The following BAIAP2 variants were observed in gnomAD, a reference collection of about 807,000 sequenced individuals.
The protein encoded by BAIAP2 is BAR/IMD domain-containing adapter protein 2.
In BAIAP2, 18 loss-of-function variants were observed where a neutral mutation model predicts 63.0. That is an observed-to-expected ratio of 0.29 (90% CI 0.20 to 0.42). The LOEUF is 0.42. Ranked by LOEUF, BAIAP2 falls within the 10% of genes least tolerant of loss-of-function variation. The pLI, the probability that BAIAP2 is intolerant of heterozygous loss-of-function variation, is 1.00. For synonymous variants in BAIAP2, 386 were observed against 307.6 expected (o/e 1.25, Z -2.67); for missense variants, 610 against 734.3 (o/e 0.83, Z 1.96).
At chr17:81,069,934 G>A (rs961505036) in intron 3 of BAIAP2, among the ~76,000 whole-genome samples, 1 of 151,990 alleles carries the variant, frequency 6.6e-6, no homozygotes, top group African/African-American at 2.4e-5. Flanking sequence ...AGGGTTTTTT[G>A]TTTTCTTGGT....
intron 1 of BAIAP2, among the ~76,000 whole-genome samples, chr17:81,043,779 T>G (rs1395083555): frequency 6.6e-6 from 1 of 152,180 alleles, no homozygotes; most frequent in African/African-American, 2.4e-5. Context: ...CTGGAGTGGC[T>G]GAGCTCATTG....
chr17:81,102,262 G>C (rs1042245365), intron 7 of BAIAP2, among the ~76,000 whole-genome samples: 3 of 152,140 alleles, frequency 2.0e-5, no homozygotes, highest in Non-Finnish European at 4.4e-5. Context: ...GGGCTCTCAG[G>C]GTGCGGGGGT....
chr17:81,088,065 T>A (rs776783541), intron 6 of BAIAP2, among the ~76,000 whole-genome samples: 6 of 152,224 alleles, frequency 3.9e-5, no homozygotes, highest in Admixed American at 1.3e-4. Flanking sequence ...ACACTGTGTC[T>A]GTTTTTCTTC....
At chr17:81,058,401 G>T (rs1005546952) in intron 3 of BAIAP2, among the ~76,000 whole-genome samples, 2 of 152,250 alleles carry the variant, frequency 1.3e-5, no homozygotes, top group African/African-American at 4.8e-5. Context: ...GGCAGGTTAT[G>T]TTATTGATGC....
chr17:81,070,405 G>A (rs1156427944), intron 3 of BAIAP2, among the ~76,000 whole-genome samples: 1 of 152,204 alleles, frequency 6.6e-6, no homozygotes, highest in Admixed American at 6.5e-5. Flanking sequence ...GGCAACCTTG[G>A]TCACTTGTGG....
intron 7 of BAIAP2, among the ~76,000 whole-genome samples, chr17:81,103,075 G>A (rs1480909199): frequency 2.6e-5 from 4 of 152,210 alleles, no homozygotes; most frequent in Admixed American, 1.3e-4. Context: ...GTCTGACGGG[G>A]CTGCCTTCCT....
chr17:81,095,396 C>T (rs1415576624), intron 6 of BAIAP2, among the ~76,000 whole-genome samples: 2 of 152,198 alleles, frequency 1.3e-5, no homozygotes, highest in Non-Finnish European at 2.9e-5. Context: ...GCCGCCACCT[C>T]CTCTCCTCCC....
intron 13 of BAIAP2, chr17:81,109,803 A>G: frequency 2.0e-6 from 2 of 985,378 alleles, no homozygotes; most frequent in African/African-American, 3.5e-5. Context: ...AGACCTCCAG[A>G]GACCACCCCA....
chr17:81,106,958 C>T, intron 12 of BAIAP2, 51 bp downstream of exon 12: 1 of 1,461,650 alleles, frequency 6.8e-7, no homozygotes, highest in Non-Finnish European at 9.0e-7. Flanking sequence ...GAACAGTGGG[C>T]TCAGCCTGCA....
At chr17:81,065,523 G>A (rs758684537) in intron 3 of BAIAP2, among the ~76,000 whole-genome samples, 2 of 152,194 alleles carry the variant, frequency 1.3e-5, no homozygotes, top group Non-Finnish European at 2.9e-5. Flanking sequence ...CTGGTTCTTT[G>A]TGCGGGTGGA....
intron 3 of BAIAP2, among the ~76,000 whole-genome samples, chr17:81,070,653 A>G (rs574226823): frequency 4.1e-4 from 63 of 152,120 alleles, no homozygotes; most frequent in Non-Finnish European, 7.8e-4. Context: ...CCGTGGGGAG[A>G]AGGTGTCGGG....
intron 7 of BAIAP2, among the ~76,000 whole-genome samples, chr17:81,102,809 C>T (rs1052274547): frequency 5.3e-5 from 8 of 152,324 alleles, no homozygotes; most frequent in African/African-American, 1.7e-4. Flanking sequence ...GCTTAAGGGT[C>T]TGGGGGTCCC....
intron 6 of BAIAP2, among the ~76,000 whole-genome samples, chr17:81,091,232 A>C (rs573201277): frequency 7.8e-6 from 1 of 127,486 alleles, no homozygotes; most frequent in Admixed American, 9.9e-5. Context: ...AGCTGTCCCT[A>C]ACTCCTGGCT....
chr17:81,090,347 C>T (rs565890240), intron 6 of BAIAP2, among the ~76,000 whole-genome samples: 1 of 151,936 alleles, frequency 6.6e-6, no homozygotes, highest in Admixed American at 6.5e-5. Context: ...GGGGGCTCTC[C>T]TGGACGGACC....
chr17:81,115,874 T>G lies in BAIAP2; in HGVS notation c.*35T>G, dbSNP rs576277218. 71 of 1,611,238 alleles carry G rather than the reference T, an allele frequency of 4.4e-5. 1 individual carries two copies. The Middle Eastern group carries it at 1.0e-3, about 23-fold the overall frequency. ...CTGCAGTGCTGCCCATCTGGTGGCT[T>G]CCCCCGCCCTTCCCATGTAGCCTGT... On this transcript the variant is annotated 3_prime_UTR_variant, in exon 14 of 14. Coordinates refer to ENST00000428708, the MANE Select transcript of BAIAP2 (RefSeq NM_001144888.2).
intron 3 of BAIAP2, chr17:81,063,856 G>C (rs1448613176): frequency 6.6e-6 from 1 of 152,348 alleles, no homozygotes; most frequent in East Asian, 1.9e-4. Context: ...GAGGATGGAA[G>C]GTGCTGTCCC....
At chr17:81,108,687 C>G in intron 13 of BAIAP2, 178 bp downstream of exon 13, 1 of 897,994 alleles carries the variant, frequency 1.1e-6, no homozygotes, top group Non-Finnish European at 1.7e-6. Context: ...CCGAGTGACA[C>G]GGGAACCCCC....
intron 6 of BAIAP2, among the ~76,000 whole-genome samples, chr17:81,089,839 G>GGT (rs752815308): frequency 5.3e-5 from 8 of 152,212 alleles, no homozygotes; most frequent in Non-Finnish European, 8.8e-5. Flanking sequence ...CGAAGCGCAT[G>GGT]GTAGGTGGAG....
At chr17:81,099,466 C>T (rs2058195367) in intron 6 of BAIAP2, among the ~76,000 whole-genome samples, 1 of 152,102 alleles carries the variant, frequency 6.6e-6, no homozygotes, top group Non-Finnish European at 1.5e-5. Flanking sequence ...TGGAGGGGCC[C>T]TGGAGGCAGA....
Sources: allele counts gnomAD v4.1 joint callset (sites outside exome capture counted in the v4.1 genomes callset), GRCh38; gene constraint gnomAD v4.1.1; transcripts MANE v1.5; gene names NCBI Gene and HGNC (gene_info 2026-07-23, HGNC 2026-07-21).